The following NUDCD1 variants were observed in gnomAD, a reference collection of about 807,000 sequenced individuals.
The protein encoded by NUDCD1 is nudC domain-containing protein 1.
Under a neutral mutation model 67.8 loss-of-function variants are expected in NUDCD1, and 60 were observed. The observed-to-expected ratio is 0.88, with a 90% CI of 0.72 to 1.10. The LOEUF is 1.10. NUDCD1 is among the 50% of genes least tolerant of loss of function. The pLI, the probability that NUDCD1 is intolerant of heterozygous loss-of-function variation, is 0.00. For missense variants in NUDCD1, 643 were observed against 695.0 expected (o/e 0.93, Z 0.84); for synonymous variants, 244 against 230.8 (o/e 1.06, Z -0.52).
Position 109,322,382 on chromosome 8 carries a change from C to T in NUDCD1, c.200G>A (p.Cys67Tyr), listed in dbSNP as rs1815562082. ...GACACTGTCTTGATACCATGAATCA[C>T]AGTGCAGGTAATTATACATTCCAAA... ...HAFGMYNYLH[C>Y]DSWYQDSVYY... Residue 67 changes from cysteine to tyrosine, a missense_variant, in exon 2 of 10, where the codon TGT becomes TAT. Physicochemically the swap from Cys to Tyr is radical, Grantham distance 194 (BLOSUM62 -2). Coordinates refer to ENST00000239690, the MANE Select transcript of NUDCD1 (RefSeq NM_032869.4). 1 of 1,596,550 alleles carries T rather than the reference C, an allele frequency of 6.3e-7. No individual in the cohort carries two copies. Among genetic ancestry groups the T allele is most frequent in the Non-Finnish European group, 8.6e-7 (1 of 1,164,944 alleles).
At chr8:109,299,134 C>G (rs1814916252) in intron 2 of NUDCD1, among the ~76,000 whole-genome samples, 1 of 152,202 alleles carries the variant, frequency 6.6e-6, no homozygotes, top group Non-Finnish European at 1.5e-5. Context: ...ACCATTTCTG[C>G]CTGTCCTCAC....
At chr8:109,270,339 AAAG>A (rs1814121044) in intron 8 of NUDCD1, among the ~76,000 whole-genome samples, 1 of 152,140 alleles carries the variant, frequency 6.6e-6, no homozygotes, top group African/African-American at 2.4e-5. Flanking sequence ...TAAAAAAAAA[AAAG>A]ATTGGCACAA....
At chr8:109,256,142 G>GT (rs1813732082) in intron 8 of NUDCD1, among the ~76,000 whole-genome samples, 1 of 152,162 alleles carries the variant, frequency 6.6e-6, no homozygotes, top group African/African-American at 2.4e-5. Context: ...ATCCTGGGAG[G>GT]TCTAGGCTGC....
chr8:109,264,851 C>CT (rs79999848), intron 8 of NUDCD1, among the ~76,000 whole-genome samples: 130 of 143,536 alleles, frequency 9.1e-4, no homozygotes, highest in East Asian at 9.0e-3. Context: ...ATTCCTCCTA[C>CT]TTTTTTTTTT....
At chr8:109,319,617 T>C (rs1305107511) in intron 2 of NUDCD1, among the ~76,000 whole-genome samples, 2 of 152,146 alleles carry the variant, frequency 1.3e-5, no homozygotes, top group Non-Finnish European at 2.9e-5. Context: ...CTCCAGGTAG[T>C]TAATCAATGA....
chr8:109,264,188 T>TGAAAC (rs1325550136), intron 8 of NUDCD1, among the ~76,000 whole-genome samples: 1 of 152,176 alleles, frequency 6.6e-6, no homozygotes, highest in African/African-American at 2.4e-5. Context: ...CATTTTTACC[T>TGAAAC]GAAACAACAG....
intron 8 of NUDCD1, 76 bp from the exon 9 acceptor site, chr8:109,245,557 A>T (rs2129854386): frequency 1.7e-6 from 2 of 1,150,418 alleles, no homozygotes; most frequent in Middle Eastern, 2.0e-4. Context: ...AGAAGCTGAC[A>T]GCCAGCATTA....
chr8:109,317,311 T>C (rs560066684), intron 2 of NUDCD1, among the ~76,000 whole-genome samples: 1 of 151,898 alleles, frequency 6.6e-6, no homozygotes, highest in South Asian at 2.1e-4. Context: ...AGCCTAGGGG[T>C]TCAAAACCAG....
At chr8:109,276,249 G>A (rs1188372933) in intron 6 of NUDCD1, among the ~76,000 whole-genome samples, 6 of 152,114 alleles carry the variant, frequency 3.9e-5, no homozygotes, top group African/African-American at 7.2e-5. Context: ...GGCAGACTAC[G>A]GACATAGGAG....
At chr8:109,322,587 A>G in intron 1 of NUDCD1, 124 bp from the exon 2 acceptor site, 1 of 612,004 alleles carries the variant, frequency 1.6e-6, no homozygotes, top group South Asian at 2.4e-5. Flanking sequence ...CTTCAGGACA[A>G]TTCAGTATAT....
At chr8:109,327,680 C>T (rs893971108) in intron 1 of NUDCD1, among the ~76,000 whole-genome samples, 3 of 152,162 alleles carry the variant, frequency 2.0e-5, no homozygotes, top group Non-Finnish European at 4.4e-5. Context: ...TTTCCCTGTT[C>T]CTTTTCTCCC....
intron 2 of NUDCD1, among the ~76,000 whole-genome samples, chr8:109,321,657 T>A (rs1815540257): frequency 6.6e-6 from 1 of 152,000 alleles, no homozygotes; most frequent in Non-Finnish European, 1.5e-5. Context: ...TAGATTAAAT[T>A]AAGTATAAAT....
At position 109,267,154 on chromosome 8, in the gene NUDCD1, C is replaced by T. The variant is rs529007290; in HGVS notation, c.1299+3851G>A. On this transcript the variant is annotated intron_variant, in intron 8 of 9. Transcript: ENST00000239690. ...TTTTTAAATTTTATGTTCAGGGGTA[C>T]TTGTGCAAGTTTGCTACATAGGTAA... Among the ~76,000 whole-genome samples, 102 of 152,178 alleles carry T rather than the reference C, an allele frequency of 6.7e-4. 1 individual carries two copies. The highest frequency in any genetic ancestry group is 3.4e-3 in the Middle Eastern group (1 of 294).
chr8:109,280,949 T>C lies in NUDCD1; in HGVS notation c.1028+19A>G. 1 of 1,191,408 alleles carries C rather than the reference T, an allele frequency of 8.4e-7. No homozygotes were observed. Among genetic ancestry groups the C allele is most frequent in the Non-Finnish European group, 1.1e-6 (1 of 886,398 alleles). 73.8% of individuals were successfully genotyped at this position (1,191,408 alleles called of 1,614,324 possible). The stretch of plus-strand genomic sequence containing the variant: ...AAAAAAAGATAATAGAATATTAAAG[T>C]AAAATTAAAAAAAAATACCTATTAC... On this transcript the variant is annotated intron_variant, in intron 6 of 9. Coordinates refer to ENST00000239690, the MANE Select transcript of NUDCD1 (RefSeq NM_032869.4).
At chr8:109,266,779 G>T (rs1814011193) in intron 8 of NUDCD1, among the ~76,000 whole-genome samples, 1 of 151,974 alleles carries the variant, frequency 6.6e-6, no homozygotes, top group Non-Finnish European at 1.5e-5. Context: ...ATATTTCAGA[G>T]AAATATTAAA....
intron 2 of NUDCD1, among the ~76,000 whole-genome samples, chr8:109,319,174 C>T (rs187559158): frequency 0.021 from 3,137 of 152,122 alleles, 109 homozygotes; most frequent in African/African-American, 0.071. Flanking sequence ...AGGGTTTCAT[C>T]GTGTCAGCCA....
intron 5 of NUDCD1, among the ~76,000 whole-genome samples, chr8:109,281,977 TCC>T (rs1814450579): frequency 6.6e-6 from 1 of 152,152 alleles, no homozygotes; most frequent in Admixed American, 6.5e-5. Context: ...CCTGGAGCTC[TCC>T]TAGATTAGGA....
chr8:109,258,438 C>T (rs1813787894), intron 8 of NUDCD1, among the ~76,000 whole-genome samples: 1 of 151,562 alleles, frequency 6.6e-6, no homozygotes, highest in African/African-American at 2.4e-5. Context: ...TCTATCAATC[C>T]CTCCAGCCAG....
At chr8:109,256,853 A>G (rs1813752172) in intron 8 of NUDCD1, among the ~76,000 whole-genome samples, 1 of 152,162 alleles carries the variant, frequency 6.6e-6, no homozygotes, top group Non-Finnish European at 1.5e-5. Context: ...TAATTAAAAG[A>G]TAATCTATAA....
Sources: allele counts gnomAD v4.1 joint callset (sites outside exome capture counted in the v4.1 genomes callset), GRCh38; gene constraint gnomAD v4.1.1; transcripts MANE v1.5; gene names NCBI Gene and HGNC (gene_info 2026-07-23, HGNC 2026-07-21).